Variants in HECTD2 observed in about 807,000 individuals in gnomAD.
HECTD2 encodes the protein probable E3 ubiquitin-protein ligase HECTD2.
In HECTD2, 35 loss-of-function variants were observed where a neutral mutation model predicts 103.2. That is an observed-to-expected ratio of 0.34 (90% confidence interval 0.26 to 0.45). HECTD2 has a LOEUF of 0.45. Ranked by LOEUF, HECTD2 falls within the 20% of genes least tolerant of loss-of-function variation. HECTD2 has a pLI of 1.00. For synonymous variants in HECTD2, 281 were observed against 329.9 expected (o/e 0.85, Z 1.61); for missense variants, 596 against 937.4 (o/e 0.64, Z 4.76).
chr10:91,481,047 G>A (rs1485599121), intron 6 of HECTD2, 47 bp from the exon 7 acceptor site: 1 of 1,160,926 alleles, frequency 8.6e-7, no homozygotes. Flanking sequence ...TAGATGCTAT[G>A]AGATTAAACA....
intron 2 of HECTD2, among the ~76,000 whole-genome samples, chr10:91,434,757 G>A (rs1374815558): frequency 6.6e-6 from 1 of 151,848 alleles, no homozygotes; most frequent in Non-Finnish European, 1.5e-5. Flanking sequence ...CATGAGTTTT[G>A]TAGCTTCTCA....
chr10:91,502,969 G>A (rs1846964203), intron 20 of HECTD2, among the ~76,000 whole-genome samples: 1 of 152,142 alleles, frequency 6.6e-6, no homozygotes, highest in Non-Finnish European at 1.5e-5. Flanking sequence ...ATAATGGTAT[G>A]CCTCAAAAGA....
chr10:91,484,807 A>G (rs1184679039), intron 9 of HECTD2, 152 bp downstream of exon 9: 1 of 666,392 alleles, frequency 1.5e-6, no homozygotes. Flanking sequence ...CTTTGATAAT[A>G]GATTTCATAA....
intron 5 of HECTD2, among the ~76,000 whole-genome samples, chr10:91,477,465 G>C (rs115315827): frequency 0.014 from 2,191 of 152,180 alleles, 49 homozygotes; most frequent in African/African-American, 0.05. Context: ...GTTGCTCAGG[G>C]GCAAACACTA....
chr10:91,422,130 A>G (rs759035153), intron 1 of HECTD2, among the ~76,000 whole-genome samples: 5 of 152,084 alleles, frequency 3.3e-5, no homozygotes, highest in South Asian at 2.1e-4. Flanking sequence ...GAAGTCCTCA[A>G]TGATTTTTCT....
At chr10:91,468,823 G>C (rs139201790) in intron 5 of HECTD2, among the ~76,000 whole-genome samples, 1,711 of 151,358 alleles carry the variant, frequency 0.011, 37 homozygotes, top group African/African-American at 0.039. Flanking sequence ...ATAGTCCCAG[G>C]TACTTGGGAG....
intron 2 of HECTD2, among the ~76,000 whole-genome samples, chr10:91,432,618 A>G (rs1435066644): frequency 6.6e-6 from 1 of 151,906 alleles, no homozygotes; most frequent in African/African-American, 2.4e-5. Flanking sequence ...AACATTTTTA[A>G]GTAGCACAGA....
At chr10:91,458,637 G>A (rs919201823) in intron 2 of HECTD2, among the ~76,000 whole-genome samples, 1 of 151,740 alleles carries the variant, frequency 6.6e-6, no homozygotes, top group Non-Finnish European at 1.5e-5. Flanking sequence ...TTCAATGAAG[G>A]AAAAATAACC....
Position 91,498,971 on chromosome 10 carries a change from C to A in HECTD2, c.1843+12C>A. ...TCAAAATAGAAAAGGTAAGTTAATA[C>A]CCTTTTTAATTAAAATGAATTAGTA... On this transcript the variant is annotated intron_variant, in intron 17 of 20. Transcript: ENST00000298068. The A allele has an allele frequency of 1.3e-6, 2 of 1,562,666 alleles. No individual in the cohort carries two copies. The highest frequency in any genetic ancestry group is 1.8e-6 in the Non-Finnish European group (2 of 1,135,810).
intron 19 of HECTD2, 79 bp downstream of exon 19, chr10:91,500,696 T>TA (rs1382233020): frequency 5.7e-6 from 4 of 706,690 alleles, no homozygotes; most frequent in African/African-American, 1.8e-5. Context: ...TTGCATAACT[T>TA]ACAATCTTTG....
chr10:91,453,515 G>A (rs564521553), intron 2 of HECTD2, among the ~76,000 whole-genome samples: 4 of 152,198 alleles, frequency 2.6e-5, no homozygotes, highest in South Asian at 4.2e-4. Flanking sequence ...ATGACGATAT[G>A]AGTAGCATGT....
chr10:91,428,566 G>C (rs1843683249), intron 2 of HECTD2, among the ~76,000 whole-genome samples: 2 of 152,128 alleles, frequency 1.3e-5, no homozygotes, highest in Admixed American at 1.3e-4. Flanking sequence ...GCAGTGGTTT[G>C]TAGTTCTCCT....
At chr10:91,421,985 T>C (rs1263660736) in intron 1 of HECTD2, among the ~76,000 whole-genome samples, 1 of 152,162 alleles carries the variant, frequency 6.6e-6, no homozygotes, top group African/African-American at 2.4e-5. Flanking sequence ...ATTATTACTA[T>C]CTCTATTCAA....
intron 20 of HECTD2, among the ~76,000 whole-genome samples, chr10:91,505,476 GT>G (rs1847117661): frequency 6.6e-6 from 1 of 151,760 alleles, no homozygotes; most frequent in Non-Finnish European, 1.5e-5. Context: ...TGCAATCCTA[GT>G]CTCTGATAAA....
At chr10:91,473,338 CATTG>C (rs1845794911) in intron 5 of HECTD2, among the ~76,000 whole-genome samples, 1 of 152,072 alleles carries the variant, frequency 6.6e-6, no homozygotes, top group Non-Finnish European at 1.5e-5. Context: ...AGAATATAAA[CATTG>C]ATTGATGTAG....
Position 91,413,945 on chromosome 10 carries a change from G to A in HECTD2, c.138+3369G>A, listed in dbSNP as rs114433783. ...TTTGAAGTAATGTATGGATATGAAG[G>A]GCTGATGATGTGAATATTAAATTTA... On this transcript the variant is annotated intron_variant, in intron 1 of 20. Transcript: ENST00000298068. 1.9e-3 allele frequency among the ~76,000 whole-genome samples: 290 copies of A among 152,282 alleles called. 3 individuals are homozygous for A. The highest frequency in any genetic ancestry group is 6.7e-3 in the African/African-American group (278 of 41,554).
intron 11 of HECTD2, among the ~76,000 whole-genome samples, chr10:91,490,842 G>A (rs1846445782): frequency 7.8e-6 from 1 of 128,958 alleles, no homozygotes; most frequent in South Asian, 2.5e-4. Context: ...AGTGAGCCGG[G>A]ATAGCGCCAC....
intron 3 of HECTD2, 36 bp downstream of exon 3, chr10:91,460,601 T>C: frequency 6.4e-7 from 1 of 1,574,666 alleles, no homozygotes; most frequent in Non-Finnish European, 8.6e-7. Context: ...TGTATAGTCA[T>C]CTGCATGTCA....
intron 1 of HECTD2, among the ~76,000 whole-genome samples, chr10:91,412,928 G>C (rs959978157): frequency 6.6e-6 from 1 of 151,988 alleles, no homozygotes; most frequent in African/African-American, 2.4e-5. Flanking sequence ...GTGGCCTCTT[G>C]AGTTGTTTTT....
Sources: gnomAD v4.1 joint callset for allele counts (sites outside exome capture counted in the v4.1 genomes callset) on GRCh38, gnomAD v4.1.1 for gene constraint, MANE v1.5 for transcripts, NCBI Gene and HGNC (gene_info 2026-07-23, HGNC 2026-07-21) for gene names.